The following TAF1 variants were observed in gnomAD, a reference collection of about 807,000 sequenced individuals.
TAF1 encodes the protein transcription initiation factor TFIID subunit 1.
A neutral mutation model predicts 138.5 loss-of-function variants in TAF1; 2 were observed. The ratio of observed to expected loss-of-function variants is 0.01; its 90% CI spans 0.01 to 0.05. The LOEUF (loss-of-function observed/expected upper bound fraction) is 0.05, where lower values mean the gene tolerates loss of function less well. Ranked by LOEUF, TAF1 falls within the 10% of genes least tolerant of loss-of-function variation. The probability of loss-of-function intolerance (pLI) is 1.00; values close to 1 mark genes in which losing one functional copy is unlikely to be tolerated. For missense variants in TAF1, 709 were observed against 1,478.0 expected (o/e 0.48, Z 8.53); for synonymous variants, 437 against 503.2 (o/e 0.87, Z 1.76).
rs1222913351 is a variant in TAF1 at position 71,491,039 on chromosome X, TG to T, written c.1366+30237del. 5.5e-3 allele frequency: 532 copies of T among 95,951 alleles called. 5 individuals are homozygous for T. Among genetic ancestry groups the T allele is most frequent in the African/African-American group, 0.02 (489 of 24,498 alleles). The allele number at this position is 95,951 out of a possible 1,213,427, so 7.9% of individuals were successfully genotyped here. A position where few individuals can be genotyped will look rare whatever the true frequency, so the allele number is the denominator to read the frequency against. ...GTTTTTTTGTTGTTGTTGTTGTTGT[TG>T]TTGTTTTTTTTTTTTTTTTTTTTTT... is the stretch of plus-strand genomic sequence containing the variant. On this transcript the variant is annotated intron_variant and NMD_transcript_variant, in intron 13 of 14. Transcript: ENST00000373775.
In TAF1 at chrX:71,379,040, C is replaced by T; in HGVS notation, c.1360+9C>T. The T allele has an allele frequency of 8.3e-7, 1 of 1,198,092 alleles. No homozygotes were observed. Among genetic ancestry groups the T allele is most frequent in the East Asian group, 3.0e-5 (1 of 33,470 alleles). ...TTACAATGTTCAGCAAGGTGTGCTT[C>T]TGTGCCAGCTGTGTCTAGCAGATAC... On this transcript the variant is annotated intron_variant, in intron 8 of 37. Transcript: ENST00000423759.
chrX:71,397,226 T>A, intron 22 of TAF1, 27 bp from the exon 23 acceptor site: 1 of 1,200,945 alleles, frequency 8.3e-7, no homozygotes, highest in Middle Eastern at 2.3e-4. Context: ...GGGGAACGTT[T>A]GGAAATCTTT....
intron 30 of TAF1, among the ~76,000 whole-genome samples, chrX:71,423,574 A>G (rs1379599077): frequency 1.8e-5 from 2 of 111,153 alleles, no homozygotes; most frequent in Non-Finnish European, 3.8e-5. Flanking sequence ...AGGTGCTTCT[A>G]AGCAAATGAT....
intron 4 of TAF1, among the ~76,000 whole-genome samples, chrX:71,376,545 T>C (rs1465341894): frequency 9.1e-6 from 1 of 109,726 alleles, no homozygotes; most frequent in African/African-American, 3.3e-5. Context: ...CGCATGACTG[T>C]AATCCCAGCT....
At chrX:71,376,808 G>A in intron 4 of TAF1, 142 bp from the exon 5 acceptor site, 1 of 841,403 alleles carries the variant, frequency 1.2e-6, no homozygotes, top group Non-Finnish European at 1.6e-6. Context: ...TTTCTGGGTT[G>A]CATACTAGTA....
At chrX:71,377,316 A>G (rs187447990) in intron 5 of TAF1, 125 bp downstream of exon 5, 1 of 1,024,147 alleles carries the variant, frequency 9.8e-7, no homozygotes, top group East Asian at 3.1e-5. Flanking sequence ...TGGCTACATA[A>G]GAGCTCTTCA....
intron 13 of TAF1, among the ~76,000 whole-genome samples, chrX:71,479,052 A>G (rs898730230): frequency 8.8e-6 from 1 of 113,005 alleles, no homozygotes; most frequent in Non-Finnish European, 1.9e-5. Context: ...CTTTATAGCA[A>G]AAAGTTGAAA....
intron 28 of TAF1, 150 bp from the exon 29 acceptor site, chrX:71,421,159 C>T: frequency 6.3e-6 from 3 of 475,507 alleles, no homozygotes; most frequent in Non-Finnish European, 3.7e-6. Flanking sequence ...GGAAAATGGA[C>T]ATAAGTCTGG....
intron 13 of TAF1, among the ~76,000 whole-genome samples, chrX:71,493,375 TATGAA>T (rs1328082496): frequency 8.9e-6 from 1 of 112,275 alleles, no homozygotes; most frequent in Non-Finnish European, 1.9e-5. Flanking sequence ...CTCTAGCCCT[TATGAA>T]ATGTGCTCTC....
chrX:71,384,202 G>A, intron 13 of TAF1, 67 bp downstream of exon 13: 2 of 1,138,037 alleles, frequency 1.8e-6, no homozygotes, highest in East Asian at 3.0e-5. Flanking sequence ...AAACTTTTAT[G>A]TACAAACTTT....
chrX:71,485,004 C>T, intron 13 of TAF1: 1 of 111,847 alleles, frequency 8.9e-6, no homozygotes, highest in East Asian at 2.8e-4. Flanking sequence ...GTACTTTATA[C>T]CCTGCTAACA....
chrX:71,381,668 A>T, intron 8 of TAF1, 75 bp from the exon 9 acceptor site: 1 of 1,108,083 alleles, frequency 9.0e-7, no homozygotes, highest in Admixed American at 2.4e-5. Flanking sequence ...AACTCTTTTT[A>T]TCTTTGCCAG....
intron 36 of TAF1, 57 bp from the exon 37 acceptor site, chrX:71,460,569 C>G (rs1467816527): frequency 6.8e-6 from 8 of 1,172,103 alleles, no homozygotes; most frequent in Non-Finnish European, 9.2e-6. Flanking sequence ...AGCCAAAGAT[C>G]AAGTTAAATC....
chrX:71,394,226 A>G lies in TAF1; in HGVS notation c.3387A>G (p.Glu1129=), dbSNP rs199672695. ...AACGGGAGGAACAGGAGCGGAAGGA[A>G]CTACAGCGAATGCTACTGGGTGAGG... ...SREREEQERK[E]LQRMLLAAGS... The change falls in exon 22 of 38, where the codon GAA becomes GAG. Residue 1129 remains glutamate (E), a synonymous_variant. Coordinates refer to ENST00000423759, the MANE Select transcript of TAF1 (RefSeq NM_004606.5). 3 of 1,209,294 alleles carry G rather than the reference A, an allele frequency of 2.5e-6. No homozygotes were observed. The highest frequency in any genetic ancestry group is 4.4e-5 in the Admixed American group (2 of 45,605).
chrX:71,434,544 G>A (rs1192441061), intron 32 of TAF1, among the ~76,000 whole-genome samples: 2 of 111,775 alleles, frequency 1.8e-5, no homozygotes, highest in Non-Finnish European at 3.8e-5. Flanking sequence ...TTAGCACTAA[G>A]ATTAGGGTCA....
At chrX:71,367,705 C>G in intron 2 of TAF1, 92 bp downstream of exon 2, 1 of 1,034,340 alleles carries the variant, frequency 9.7e-7, no homozygotes. Flanking sequence ...GAGTTTCGCT[C>G]TGTCTCCGAG....
intron 32 of TAF1, among the ~76,000 whole-genome samples, chrX:71,445,915 A>ATTTT (rs749778368): frequency 1.1e-5 from 1 of 93,546 alleles, no homozygotes; most frequent in African/African-American, 3.9e-5. Flanking sequence ...GTTGTTCACT[A>ATTTT]TTTTTTTTTT....
intron 9 of TAF1, among the ~76,000 whole-genome samples, 179 bp downstream of exon 9, chrX:71,382,098 A>G (rs915641605): frequency 1.1e-4 from 12 of 111,935 alleles, no homozygotes; most frequent in African/African-American, 3.9e-4. Flanking sequence ...CTTAGGGAAC[A>G]CTCACGTAGG....
downstream of TAF1, among the ~76,000 whole-genome samples, chrX:71,467,792 C>T (rs1401792003): frequency 9.0e-6 from 1 of 111,330 alleles, no homozygotes; most frequent in African/African-American, 3.3e-5. Flanking sequence ...AGTGGTAGAG[C>T]CAGGATTTGA....
Sources: gnomAD v4.1 joint callset for allele counts (sites outside exome capture counted in the v4.1 genomes callset) on GRCh38, gnomAD v4.1.1 for gene constraint, MANE v1.5 for transcripts, NCBI Gene and HGNC (gene_info 2026-07-23, HGNC 2026-07-21) for gene names.